The following CEP85L variants were observed in gnomAD, a reference collection of about 807,000 sequenced individuals.
The protein encoded by CEP85L is centrosomal protein of 85 kDa-like.
In CEP85L, 60 loss-of-function variants were observed where a neutral mutation model predicts 100.3. The observed-to-expected ratio is 0.60, with a 90% CI of 0.49 to 0.74. The LOEUF is 0.74. CEP85L is among the 30% of genes least tolerant of loss of function. The pLI is 0.00. For missense variants in CEP85L, 973 were observed against 936.2 expected, an observed-to-expected ratio of 1.04 and a Z score of -0.51; for synonymous variants, 319 against 322.7, an observed-to-expected ratio of 0.99 and a Z score of 0.12.
intron 1 of CEP85L, among the ~76,000 whole-genome samples, chr6:118,671,568 T>C (rs1182348751): frequency 1.3e-5 from 2 of 152,232 alleles, no homozygotes; most frequent in Non-Finnish European, 2.9e-5. Context: ...TTCTCTATTC[T>C]GAAATATCTC....
At chr6:118,614,233 A>T (rs762060187) in intron 2 of CEP85L, among the ~76,000 whole-genome samples, 4 of 152,226 alleles carry the variant, frequency 2.6e-5, no homozygotes, top group Non-Finnish European at 5.9e-5. Flanking sequence ...AAATTGATAA[A>T]TGGTATCTAC....
upstream of CEP85L, among the ~76,000 whole-genome samples, chr6:118,653,564 A>G (rs775628667): frequency 6.6e-6 from 1 of 152,208 alleles, no homozygotes; most frequent in Admixed American, 6.5e-5. Flanking sequence ...TGGAGAACCT[A>G]AGGACTATCT....
At chr6:118,513,066 T>C (rs1214740462) in intron 4 of CEP85L, among the ~76,000 whole-genome samples, 1 of 152,038 alleles carries the variant, frequency 6.6e-6, no homozygotes, top group Non-Finnish European at 1.5e-5. Context: ...GAATGGTGAT[T>C]AAAACATTAG....
At chr6:118,556,122 T>C (rs148240068) in intron 3 of CEP85L, among the ~76,000 whole-genome samples, 3 of 152,328 alleles carry the variant, frequency 2.0e-5, no homozygotes, top group African/African-American at 7.2e-5. Flanking sequence ...CATGGGTGTA[T>C]GTCTTTACGG....
intron 2 of CEP85L, among the ~76,000 whole-genome samples, chr6:118,579,366 A>G (rs1328899965): frequency 2.1e-5 from 3 of 144,256 alleles, no homozygotes; most frequent in Non-Finnish European, 4.6e-5. Flanking sequence ...AGCTGGTCAG[A>G]AAAAAAAAAA....
At chr6:118,472,930 G>C (rs1009138519) in intron 10 of CEP85L, among the ~76,000 whole-genome samples, 9 of 152,120 alleles carry the variant, frequency 5.9e-5, no homozygotes, top group African/African-American at 1.9e-4. Context: ...TTGTTTTAAC[G>C]TAAGTATCCA....
upstream of CEP85L, among the ~76,000 whole-genome samples, chr6:118,657,445 C>G (rs1463608722): frequency 1.3e-5 from 2 of 152,096 alleles, no homozygotes; most frequent in Non-Finnish European, 2.9e-5. Context: ...TGGTGAAACC[C>G]CCTCTCTACT....
chr6:118,692,146 A>C (rs902737730), intron 1 of CEP85L, among the ~76,000 whole-genome samples: 2 of 152,110 alleles, frequency 1.3e-5, no homozygotes, highest in Non-Finnish European at 2.9e-5. Context: ...AATATTTGAG[A>C]ATATGTACTT....
intron 4 of CEP85L, among the ~76,000 whole-genome samples, chr6:118,520,805 G>A (rs1466931584): frequency 6.6e-6 from 1 of 152,136 alleles, no homozygotes; most frequent in Non-Finnish European, 1.5e-5. Context: ...AGTCAGTTAA[G>A]GAGATCGAAA....
intron 1 of CEP85L, among the ~76,000 whole-genome samples, chr6:118,665,132 G>A (rs1219299229): frequency 1.3e-5 from 2 of 152,040 alleles, no homozygotes; most frequent in Non-Finnish European, 2.9e-5. Context: ...GATGTGGGGA[G>A]TAAGAGGAGG....
intron 3 of CEP85L, among the ~76,000 whole-genome samples, chr6:118,540,335 T>C (rs549403014): frequency 3.3e-5 from 5 of 152,324 alleles, no homozygotes; most frequent in South Asian, 4.1e-4. Flanking sequence ...CTGACTGATA[T>C]GAAAATTTGG....
At chr6:118,657,869 C>G (rs1369180048) in intron 1 of CEP85L, among the ~76,000 whole-genome samples, 1 of 152,202 alleles carries the variant, frequency 6.6e-6, no homozygotes, top group Non-Finnish European at 1.5e-5. Context: ...AACTTCACTA[C>G]TCAAATAATT....
At chr6:118,477,927 G>A (rs7761996) in intron 10 of CEP85L, among the ~76,000 whole-genome samples, 103,182 of 151,902 alleles carry the variant, frequency 0.68, 35,749 homozygotes, top group Middle Eastern at 0.74. Context: ...ATAGGCAAAG[G>A]TATTTGAAGA....
At chr6:118,491,196 T>TACAC (rs1160030823) in intron 6 of CEP85L, among the ~76,000 whole-genome samples, 8,973 of 116,034 alleles carry the variant, frequency 0.077, 342 homozygotes, top group Non-Finnish European at 0.095. Flanking sequence ...CCAACATCTA[T>TACAC]ACACACACAC....
intron 2 of CEP85L, chr6:118,589,587 GTATC>G (rs1291744216): frequency 3.8e-6 from 1 of 260,458 alleles, no homozygotes; most frequent in African/African-American, 2.3e-5. Context: ...GAGAGAGAAA[GTATC>G]TAGTGATTTA....
intron 3 of CEP85L, among the ~76,000 whole-genome samples, chr6:118,555,302 C>A (rs1778789186): frequency 1.3e-5 from 2 of 151,900 alleles, no homozygotes; most frequent in Admixed American, 1.3e-4. Context: ...GTGGCGGGCA[C>A]CTGTAGTCCC....
At chr6:118,570,853 A>T (rs1779845357) in intron 2 of CEP85L, among the ~76,000 whole-genome samples, 1 of 152,178 alleles carries the variant, frequency 6.6e-6, no homozygotes, top group Admixed American at 6.5e-5. Flanking sequence ...TAACTGTGAC[A>T]TTCAGAATTC....
intron 12 of CEP85L, among the ~76,000 whole-genome samples, chr6:118,467,059 T>A (rs1772578275): frequency 6.6e-6 from 1 of 152,040 alleles, no homozygotes; most frequent in Non-Finnish European, 1.5e-5. Context: ...TGAATGGTGG[T>A]GTTACTCACT....
chr6:118,692,481 T>C (rs1463496090), intron 1 of CEP85L, among the ~76,000 whole-genome samples: 1 of 152,180 alleles, frequency 6.6e-6, no homozygotes, highest in Non-Finnish European at 1.5e-5. Flanking sequence ...AGCTAGTAGT[T>C]GGGACTGTAA....
Sources: allele counts gnomAD v4.1 joint callset (sites outside exome capture counted in the v4.1 genomes callset), GRCh38; gene constraint gnomAD v4.1.1; transcripts MANE v1.5; gene names NCBI Gene and HGNC (gene_info 2026-07-23, HGNC 2026-07-21).